DLG2: variants seen among roughly 807,000 people sequenced by gnomAD.
DLG2 encodes the protein disks large homolog 2.
Under a neutral mutation model 132.5 loss-of-function variants are expected in DLG2, and 45 were observed. The ratio of observed to expected loss-of-function variants is 0.34; its 90% CI spans 0.27 to 0.44. The LOEUF is 0.44. Among genes scored for constraint, DLG2 ranks in the 20% least tolerant of loss-of-function variants. The pLI, the probability that DLG2 is intolerant of heterozygous loss-of-function variation, is 1.00. For missense variants in DLG2, 1,045 were observed against 1,196.9 expected (o/e 0.87, Z 1.87); for synonymous variants, 424 against 419.6 (o/e 1.01, Z -0.13).
At chr11:85,143,402 T>C (rs949531464) in intron 5 of DLG2, among the ~76,000 whole-genome samples, 1 of 151,852 alleles carries the variant, frequency 6.6e-6, no homozygotes, top group Non-Finnish European at 1.5e-5. Flanking sequence ...ACGTTTTTCA[T>C]CTGATTTTAT....
In DLG2 at chr11:85,179,301, C is replaced by T. The variant is rs562024398; in HGVS notation, c.187-24650G>A. 5.9e-5 allele frequency among the ~76,000 whole-genome samples: 9 copies of T among 151,654 alleles called. No homozygotes were observed. In the East Asian group the frequency reaches 1.7e-3, roughly 29 times the overall value. ...AATTTAACAATAAATATCCTCACAA[C>T]AATAATTACTAAAGGACGTACTTCA... On this transcript the variant is annotated intron_variant, in intron 4 of 27. Transcript: ENST00000376104.
At chr11:83,957,622 T>C (rs186705776) in intron 14 of DLG2, among the ~76,000 whole-genome samples, 1 of 151,974 alleles carries the variant, frequency 6.6e-6, no homozygotes, top group East Asian at 1.9e-4. Context: ...CAATGAATTC[T>C]CAATGAACTT....
intron 19 of DLG2, among the ~76,000 whole-genome samples, chr11:83,627,922 G>A (rs976605785): frequency 4.6e-5 from 7 of 152,128 alleles, no homozygotes; most frequent in African/African-American, 1.7e-4. Context: ...GGTATGAGAT[G>A]GTATCTTATT....
intron 11 of DLG2, among the ~76,000 whole-genome samples, chr11:84,025,436 T>G (rs1174555088): frequency 3.3e-5 from 5 of 152,138 alleles, no homozygotes; most frequent in Non-Finnish European, 7.4e-5. Flanking sequence ...GAATTCAAGA[T>G]GAGATCTGGA....
chr11:84,989,873 G>T (rs776116675), intron 6 of DLG2, among the ~76,000 whole-genome samples: 1 of 152,108 alleles, frequency 6.6e-6, no homozygotes, highest in Non-Finnish European at 1.5e-5. Flanking sequence ...ATCCAGTGAA[G>T]GAAGCAATTC....
At chr11:84,552,281 G>C (rs2099403254) in intron 6 of DLG2, among the ~76,000 whole-genome samples, 1 of 151,926 alleles carries the variant, frequency 6.6e-6, no homozygotes, top group Admixed American at 6.6e-5. Flanking sequence ...CATATCTCTT[G>C]CTTCTTTCTA....
intron 7 of DLG2, among the ~76,000 whole-genome samples, chr11:84,449,513 C>T (rs757618332): frequency 6.6e-6 from 1 of 151,506 alleles, no homozygotes; most frequent in Non-Finnish European, 1.5e-5. Context: ...AAAGGGGAGA[C>T]TGAATTGTTA....
At chr11:83,709,047 T>C (rs977393119) in intron 18 of DLG2, among the ~76,000 whole-genome samples, 1 of 152,168 alleles carries the variant, frequency 6.6e-6, no homozygotes, top group African/African-American at 2.4e-5. Context: ...GTATGTGGTA[T>C]GTACTCAACC....
chr11:83,886,468 A>G (rs1253860522), intron 15 of DLG2, among the ~76,000 whole-genome samples: 4 of 152,190 alleles, frequency 2.6e-5, no homozygotes, highest in Admixed American at 2.6e-4. Flanking sequence ...GTGACCTACA[A>G]AAAGACTTAG....
intron 6 of DLG2, among the ~76,000 whole-genome samples, chr11:84,707,853 C>T (rs959749757): frequency 2.6e-5 from 4 of 151,856 alleles, no homozygotes; most frequent in Non-Finnish European, 5.9e-5. Context: ...ACCAGCTTCT[C>T]CCTTTGCTCT....
chr11:83,689,638 T>C (rs1240830031), intron 18 of DLG2, among the ~76,000 whole-genome samples: 1 of 152,020 alleles, frequency 6.6e-6, no homozygotes, highest in Non-Finnish European at 1.5e-5. Context: ...TAAACTATCT[T>C]GTTTCTCACA....
intron 18 of DLG2, among the ~76,000 whole-genome samples, chr11:83,733,184 G>A (rs1593281910): frequency 6.7e-6 from 1 of 148,316 alleles, no homozygotes; most frequent in African/African-American, 2.5e-5. Context: ...GAGGTTGCAG[G>A]GAGCTGAGAT....
chr11:84,127,996 T>C (rs2154212943), intron 9 of DLG2, among the ~76,000 whole-genome samples: 1 of 152,312 alleles, frequency 6.6e-6, no homozygotes, highest in South Asian at 2.1e-4. Flanking sequence ...CTAAAAGCTT[T>C]ATTTGCTTAT....
chr11:84,480,754 T>G (rs1486235070), intron 7 of DLG2, among the ~76,000 whole-genome samples: 14 of 149,766 alleles, frequency 9.3e-5, no homozygotes, highest in African/African-American at 3.5e-4. Context: ...CTTGGGGGTT[T>G]TCTTTTTTTT....
intron 6 of DLG2, among the ~76,000 whole-genome samples, chr11:84,856,495 G>T (rs757334271): frequency 6.6e-6 from 1 of 152,014 alleles, no homozygotes; most frequent in African/African-American, 2.4e-5. Context: ...CTACCACTGT[G>T]TTACCCTTCA....
chr11:85,356,367 C>CT lies in DLG2; in HGVS notation c.41-71003dup, dbSNP rs367896198. 2.1e-4 allele frequency among the ~76,000 whole-genome samples: 31 copies of CT among 148,242 alleles called. No homozygotes were observed. The South Asian group carries it at 3.4e-3, about 16-fold the overall frequency. ...AAACTGAGGAGTAACAGAATTTGTC[C>CT]TTTTTTTTTTACATAATGATGAGGA... On this transcript the variant is annotated intron_variant, in intron 3 of 27. Coordinates refer to ENST00000376104, the MANE Select transcript of DLG2 (RefSeq NM_001142699.3).
intron 6 of DLG2, among the ~76,000 whole-genome samples, chr11:84,845,056 A>G (rs778164826): frequency 6.6e-6 from 1 of 152,126 alleles, no homozygotes; most frequent in African/African-American, 2.4e-5. Context: ...AACAGCAATG[A>G]CTATTACATT....
At chr11:84,170,201 C>T (rs989935375) in intron 8 of DLG2, among the ~76,000 whole-genome samples, 1 of 152,184 alleles carries the variant, frequency 6.6e-6, no homozygotes, top group African/African-American at 2.4e-5. Context: ...GTATGGGCAG[C>T]CCCTAACAAC....
chr11:84,655,752 T>TC (rs1464131484), intron 6 of DLG2, among the ~76,000 whole-genome samples: 1 of 150,728 alleles, frequency 6.6e-6, no homozygotes, highest in Admixed American at 6.6e-5. Flanking sequence ...TTTTTTTTTT[T>TC]CATGGAGTGG....
Sources: allele counts gnomAD v4.1 joint callset (sites outside exome capture counted in the v4.1 genomes callset), GRCh38; gene constraint gnomAD v4.1.1; transcripts MANE v1.5; gene names NCBI Gene and HGNC (gene_info 2026-07-23, HGNC 2026-07-21).